ZNF83: variants seen among roughly 807,000 people sequenced by gnomAD.
ZNF83 encodes the protein zinc finger protein 83.
For missense variants in ZNF83, 552 were observed against 629.9 expected (o/e 0.88, Z 1.32); for synonymous variants, 209 against 213.0 (o/e 0.98, Z 0.17).
intron 2 of ZNF83, among the ~76,000 whole-genome samples, chr19:52,629,012 C>T (rs1434132242): frequency 6.6e-6 from 1 of 151,946 alleles, no homozygotes; most frequent in African/African-American, 2.4e-5. Flanking sequence ...TTTCTCTGGG[C>T]TTGCCTCCTT....
rs185885951 is a variant in ZNF83, at chr19:52,672,067, G to A, written c.-282-11224C>T. Among the ~76,000 whole-genome samples, 405 of 152,088 alleles carry A rather than the reference G, an allele frequency of 2.7e-3. 3 individuals carry two copies. Among genetic ancestry groups the A allele is most frequent in the Non-Finnish European group, 4.0e-3 (275 of 67,982 alleles). On this transcript the variant is annotated intron_variant, in intron 1 of 5. Transcript: ENST00000594682. ...TGGCTAACATGGTGAAACCCCATCT[G>A]TACTAAAAATACAACAATTAGCTGG...
upstream of ZNF83, chr19:52,638,396 G>GGGGCCCGCGAGGTGGGCA (rs1555785860): frequency 6.6e-6 from 1 of 152,120 alleles, no homozygotes; most frequent in African/African-American, 2.4e-5. Flanking sequence ...AGGTCTGGGC[G>GGGGCCCGCGAGGTGGGCA]GGGCCCGCGA....
intron 1 of ZNF83, among the ~76,000 whole-genome samples, chr19:52,682,996 G>A (rs1420854381): frequency 1.3e-5 from 2 of 152,096 alleles, no homozygotes; most frequent in Non-Finnish European, 2.9e-5. Context: ...TCAGCCTTTT[G>A]AGTAGCTGAG....
intron 2 of ZNF83, among the ~76,000 whole-genome samples, chr19:52,623,726 C>T (rs1263629585): frequency 2.0e-5 from 3 of 152,084 alleles, no homozygotes; most frequent in Non-Finnish European, 4.4e-5. Flanking sequence ...ACCAGTATCC[C>T]ATCCCACAAC....
At chr19:52,639,338 G>A (rs1023030220), upstream of ZNF83, among the ~76,000 whole-genome samples, 6 of 151,128 alleles carry the variant, frequency 4.0e-5, no homozygotes, top group Non-Finnish European at 8.8e-5. Flanking sequence ...CGCCCGCCTC[G>A]GCCTCCCAAA....
chr19:52,654,529 A>G (rs2061482041), intron 3 of ZNF83: 4 of 454,082 alleles, frequency 8.8e-6, no homozygotes, highest in Non-Finnish European at 1.5e-5. Flanking sequence ...ATGATCTTCA[A>G]AGTTTAAGAA....
intron 1 of ZNF83, among the ~76,000 whole-genome samples, chr19:52,685,795 G>A (rs1809345): frequency 0.01 from 1,590 of 151,830 alleles, 29 homozygotes; most frequent in African/African-American, 0.036. Context: ...CTACTCAGGA[G>A]GCTGAAGCAG....
chr19:52,623,856 G>T (rs1026188357), intron 2 of ZNF83, among the ~76,000 whole-genome samples: 2 of 152,152 alleles, frequency 1.3e-5, no homozygotes, highest in Non-Finnish European at 2.9e-5. Context: ...AGTCTTACAG[G>T]TTGGTTCAGG....
intron 1 of ZNF83, among the ~76,000 whole-genome samples, chr19:52,676,812 G>A (rs4570980): frequency 0.21 from 27,722 of 131,988 alleles, 3,186 homozygotes; most frequent in Non-Finnish European, 0.24. Context: ...GGATCCTGTT[G>A]ATCTGTGACC....
chr19:52,666,237 CAAAG>C (rs951948454), intron 1 of ZNF83, among the ~76,000 whole-genome samples: 35 of 148,474 alleles, frequency 2.4e-4, no homozygotes, highest in Admixed American at 2.1e-3. Context: ...AAAAGGGAGT[CAAAG>C]AGAGAGGGAG....
chr19:52,615,965 A>G (rs1018502542), intron 2 of ZNF83, among the ~76,000 whole-genome samples: 13 of 152,214 alleles, frequency 8.5e-5, no homozygotes, highest in African/African-American at 3.1e-4. Context: ...CAGCCTCCTG[A>G]GTAGCTGGGA....
At chr19:52,634,888 T>C (rs765553081) in intron 2 of ZNF83, among the ~76,000 whole-genome samples, 178 bp downstream of exon 2, 13 of 152,048 alleles carry the variant, frequency 8.5e-5, no homozygotes, top group South Asian at 4.2e-4. Context: ...GTTCATGTGA[T>C]TGGGTCACAA....
chr19:52,653,766 C>T (rs1177915340), intron 3 of ZNF83, among the ~76,000 whole-genome samples: 1 of 152,156 alleles, frequency 6.6e-6, no homozygotes, highest in African/African-American at 2.4e-5. Flanking sequence ...CTCTATGGTG[C>T]CATGCAAGGT....
intron 1 of ZNF83, among the ~76,000 whole-genome samples, chr19:52,668,368 T>C (rs998034826): frequency 5.9e-5 from 9 of 152,204 alleles, no homozygotes; most frequent in African/African-American, 2.2e-4. Flanking sequence ...AAATTAAAGC[T>C]AAGGAAAGCT....
intron 1 of ZNF83, among the ~76,000 whole-genome samples, chr19:52,678,449 C>CAA (rs11387898): frequency 0.074 from 8,125 of 109,270 alleles, 367 homozygotes; most frequent in Middle Eastern, 0.14. Context: ...GACTTCATCT[C>CAA]AAAAAAAAAA....
At chr19:52,644,210 ATCCCATTTAAAATTCTAAT>A (rs1328964712) in intron 3 of ZNF83, among the ~76,000 whole-genome samples, 1 of 148,514 alleles carries the variant, frequency 6.7e-6, no homozygotes, top group Non-Finnish European at 1.5e-5. Context: ...AGGGTACTGC[ATCCCATTTAAAATTCTAAT>A]TACAACTGGA....
chr19:52,631,935 GC>G (rs34848367), intron 2 of ZNF83, among the ~76,000 whole-genome samples: 60,416 of 141,432 alleles, frequency 0.43, 7,753 homozygotes, highest in Admixed American at 0.5. Context: ...GATTATTCAG[GC>G]CCCCCTCCCT....
intron 1 of ZNF83, among the ~76,000 whole-genome samples, chr19:52,689,232 A>G (rs950288494): frequency 6.6e-6 from 1 of 152,118 alleles, no homozygotes; most frequent in Non-Finnish European, 1.5e-5. Context: ...TTGGATATGA[A>G]TCCACTGAGC....
intron 2 of ZNF83, among the ~76,000 whole-genome samples, chr19:52,629,277 G>A (rs998675502): frequency 6.6e-6 from 1 of 152,098 alleles, no homozygotes; most frequent in Non-Finnish European, 1.5e-5. Flanking sequence ...CTGACATCCA[G>A]GCATTCTTTT....
Sources: allele counts gnomAD v4.1 joint callset (sites outside exome capture counted in the v4.1 genomes callset), GRCh38; gene constraint gnomAD v4.1.1; transcripts MANE v1.5; gene names NCBI Gene and HGNC (gene_info 2026-07-23, HGNC 2026-07-21).